Variants in IRS2 observed in about 807,000 individuals in gnomAD.
IRS2 encodes insulin receptor substrate 2.
Under a neutral mutation model 70.9 loss-of-function variants are expected in IRS2, and 28 were observed. That is an observed-to-expected ratio of 0.39 (90% CI 0.29 to 0.54). IRS2 has a LOEUF of 0.54. Among genes scored for constraint, IRS2 ranks in the 20% least tolerant of loss-of-function variants. The pLI is 0.59. For missense variants in IRS2, 2,081 were observed against 2,024.1 expected, an observed-to-expected ratio of 1.03 and a Z score of -0.54; for synonymous variants, 1,217 against 981.9, an observed-to-expected ratio of 1.24 and a Z score of -4.48.
chr13:109,776,103 C>T (rs1019488713), intron 1 of IRS2, among the ~76,000 whole-genome samples: 12 of 148,704 alleles, frequency 8.1e-5, no homozygotes, highest in African/African-American at 2.7e-4. Flanking sequence ...GAGCCGAGAT[C>T]ACACCACTGC....
In IRS2 at chr13:109,783,399, G is replaced by A; in HGVS notation, c.2655C>T (p.Gly885=). 6.8e-7 allele frequency: 1 copy of A among 1,477,884 alleles called. No individual in the cohort carries two copies. The highest frequency in any genetic ancestry group is 8.9e-7 in the Non-Finnish European group (1 of 1,124,940). 91.5% of individuals were successfully genotyped at this position (1,477,884 alleles called of 1,614,324 possible). A position where few individuals can be genotyped will look rare whatever the true frequency, so the allele number is the denominator to read the frequency against. The part of the protein sequence containing the change: ...GRPEGFLGQR[G]RAVRPTRLSL... ...ACAGGCGCGTGGGCCTCACCGCCCG[G>A]CCGCGCTGGCCCAAGAAGCCCTCCG... is the stretch of plus-strand genomic sequence containing the variant. The change falls in exon 1 of 2, where the codon GGC becomes GGT. Residue 885 remains glycine (G), a synonymous_variant. Transcript: ENST00000375856.
chr13:109,772,980 C>A (rs969421789), intron 1 of IRS2, among the ~76,000 whole-genome samples: 3 of 152,156 alleles, frequency 2.0e-5, no homozygotes, highest in Non-Finnish European at 2.9e-5. Flanking sequence ...CAGGCGTGAG[C>A]CACCGCGCCC....
Position 109,753,903 on chromosome 13 carries a change from T to C in IRS2, c.*2401A>G. On this transcript the variant is annotated 3_prime_UTR_variant, in exon 2 of 2. Coordinates refer to ENST00000375856, the MANE Select transcript of IRS2 (RefSeq NM_003749.3). ...TATTAAGGAGGGCATCCATGATCAA[T>C]ACAGACTAAATACAATGCACTATTC... The C allele has an allele frequency of 4.3e-6, 1 of 231,410 alleles. No homozygotes were observed. Among genetic ancestry groups the C allele is most frequent in the Non-Finnish European group, 8.6e-6 (1 of 116,730 alleles). The allele number at this position is 231,410 out of a possible 1,614,324, so 14.3% of individuals were successfully genotyped here.
intron 1 of IRS2, among the ~76,000 whole-genome samples, chr13:109,775,753 A>AACACACACACACACACAC (rs71127906): frequency 3.6e-5 from 5 of 140,536 alleles, no homozygotes; most frequent in South Asian, 2.4e-4. Flanking sequence ...ATATTATGGA[A>AACACACACACACACACAC]ACACACACAC....
At chr13:109,776,916 A>G (rs961672104) in intron 1 of IRS2, among the ~76,000 whole-genome samples, 4 of 152,178 alleles carry the variant, frequency 2.6e-5, no homozygotes, top group Non-Finnish European at 5.9e-5. Context: ...TTCTTTTCAC[A>G]AAAATCATGA....
rs566411058 is a variant in IRS2, at chr13:109,766,898, A to T, written c.4013-10590T>A. On this transcript the variant is annotated intron_variant, in intron 1 of 1. Coordinates refer to ENST00000375856, the MANE Select transcript of IRS2 (RefSeq NM_003749.3). ...TACTGCACATGCCCTTTCAGCCAAA[A>T]TGCCAAAGTGTCTATAAAGTTACTC... Among the ~76,000 whole-genome samples, 158 of 152,318 alleles carry T rather than the reference A, an allele frequency of 1.0e-3. 1 individual carries two copies. Among genetic ancestry groups the T allele is most frequent in the Middle Eastern group, 6.8e-3 (2 of 294 alleles).
In IRS2 at chr13:109,755,439, A is replaced by G. The variant is rs1877083783; in HGVS notation, c.*865T>C. 4.5e-6 allele frequency: 1 copy of G among 222,682 alleles called. No homozygotes were observed. The highest frequency in any genetic ancestry group is 9.0e-6 in the Non-Finnish European group (1 of 111,394). The allele number at this position is 222,682 out of a possible 1,614,324, so 13.8% of individuals were successfully genotyped here. A position where few individuals can be genotyped will look rare whatever the true frequency, so the allele number is the denominator to read the frequency against. On this transcript the variant is annotated 3_prime_UTR_variant, in exon 2 of 2. Coordinates refer to ENST00000375856, the MANE Select transcript of IRS2 (RefSeq NM_003749.3). ...GTAAATAGAATAAAAGGCGTTTGCA[A>G]TGTGAAGTACCTACATAAACATCTA...
chr13:109,780,067 T>C (rs1877663517), intron 1 of IRS2, among the ~76,000 whole-genome samples: 1 of 152,118 alleles, frequency 6.6e-6, no homozygotes, highest in Admixed American at 6.5e-5. Context: ...TGGCGCCTGC[T>C]ATGGCAGAGC....
Position 109,785,097 on chromosome 13 carries a change from G to A in IRS2, c.957C>T (p.Val319=), listed in dbSNP as rs757177634. The part of the protein sequence containing the change: ...SGSSATHPIS[V]PGARRHHHLV... ...GGTGGTGGTGGCGGCGCGCGCCGGGGACGCTGATGGGGTGCGTGGCCGACG... is the reference window on the plus strand; with the variant it reads ...GGTGGTGGTGGCGGCGCGCGCCGGGAACGCTGATGGGGTGCGTGGCCGACG... The change falls in exon 1 of 2, where the codon GTC becomes GTT. Residue 319 remains valine (V), a synonymous_variant. Transcript: ENST00000375856. This position sits in a 1 kb window ranked among gnomAD's most constrained non-coding sequence, Gnocchi z 9.3. 8.2e-6 allele frequency: 13 copies of A among 1,587,024 alleles called. No homozygotes were observed. The African/African-American group carries it at 9.4e-5, about 11-fold the overall frequency.
intron 1 of IRS2, among the ~76,000 whole-genome samples, chr13:109,761,152 T>TAG (rs1877216471): frequency 6.6e-6 from 1 of 152,202 alleles, no homozygotes; most frequent in Non-Finnish European, 1.5e-5. Context: ...CGGTCCTCTC[T>TAG]GCAGAGGGGC....
chr13:109,785,862 C>T lies in IRS2; in HGVS notation c.192G>A (p.Gly64=). 1 of 1,512,630 alleles carries T rather than the reference C, an allele frequency of 6.6e-7. No homozygotes were observed. Among genetic ancestry groups the T allele is most frequent in the Non-Finnish European group, 8.8e-7 (1 of 1,135,134 alleles). The allele number at this position is 1,512,630 out of a possible 1,614,324, so 93.7% of individuals were successfully genotyped here. A position where few individuals can be genotyped will look rare whatever the true frequency, so the allele number is the denominator to read the frequency against. The part of the protein sequence containing the change: ...GAGGDEATAG[G]GSAPQPPRLE... ...GCCGCGGCGGTTGCGGCGCCGACCC[C>T]CCGCCCGCCGTCGCCTCGTCGCCGC... The change falls in exon 1 of 2, where the codon GGG becomes GGA. Residue 64 remains glycine, a synonymous_variant. Coordinates refer to ENST00000375856, the MANE Select transcript of IRS2 (RefSeq NM_003749.3). The surrounding 1 kb of genome is among the most constrained non-coding windows in gnomAD (Gnocchi z 9.3).
At chr13:109,769,134 C>A (rs1008007620) in intron 1 of IRS2, among the ~76,000 whole-genome samples, 3 of 152,194 alleles carry the variant, frequency 2.0e-5, no homozygotes, top group Non-Finnish European at 1.5e-5. Flanking sequence ...TAGATCACTT[C>A]TAGGTCTTTT....
chr13:109,773,774 A>G (rs1467073037), intron 1 of IRS2, among the ~76,000 whole-genome samples: 1 of 152,242 alleles, frequency 6.6e-6, no homozygotes, highest in African/African-American at 2.4e-5. Context: ...TGGATGAAGA[A>G]AGTTACTAAA....
chr13:109,754,702 C>T lies in IRS2; in HGVS notation c.*1602G>A, dbSNP rs1377285263. On this transcript the variant is annotated 3_prime_UTR_variant, in exon 2 of 2. Coordinates refer to ENST00000375856, the MANE Select transcript of IRS2 (RefSeq NM_003749.3). ...CAATCCTCTGTTCTAAAGTTCAGCACGGAAGCAGGAAGACTTTTGCATTGC... is the reference window on the plus strand; with the variant it reads ...CAATCCTCTGTTCTAAAGTTCAGCATGGAAGCAGGAAGACTTTTGCATTGC... 5 of 195,848 alleles carry T rather than the reference C, an allele frequency of 2.6e-5. No individual in the cohort carries two copies. The highest frequency in any genetic ancestry group is 6.1e-5 in the Admixed American group (1 of 16,446). The allele number at this position is 195,848 out of a possible 1,614,324, so 12.1% of individuals were successfully genotyped here.
In IRS2 at chr13:109,786,454, G is replaced by A. The variant is rs1160009109; in HGVS notation, c.-401C>T. 2 of 148,330 alleles carry A rather than the reference G, an allele frequency of 1.3e-5. 1 individual carries two copies. Among genetic ancestry groups the A allele is most frequent in the South Asian group, 3.5e-4 (2 of 5,650 alleles). 9.2% of individuals were successfully genotyped at this position (148,330 alleles called of 1,614,324 possible). On this transcript the variant is annotated 5_prime_UTR_variant, in exon 1 of 2. Coordinates refer to ENST00000375856, the MANE Select transcript of IRS2 (RefSeq NM_003749.3). The surrounding 1 kb of genome is among the most constrained non-coding windows in gnomAD (Gnocchi z 4.4). ...GGCTGCTGCCGCCGCGTCGCGCTCCGGGAAGCCGGGGTGCGCCCGGGCGCT... is the reference window on the plus strand; with the variant it reads ...GGCTGCTGCCGCCGCGTCGCGCTCCAGGAAGCCGGGGTGCGCCCGGGCGCT...
At chr13:109,776,084 C>T (rs889094056) in intron 1 of IRS2, among the ~76,000 whole-genome samples, 9 of 147,956 alleles carry the variant, frequency 6.1e-5, no homozygotes, top group African/African-American at 1.5e-4. Context: ...GGGAGGTGGA[C>T]GTTGCAGTGA....
In IRS2 at chr13:109,785,578, G is replaced by C. The variant is rs1877895562; in HGVS notation, c.476C>G (p.Pro159Arg). 1 of 1,310,110 alleles carries C rather than the reference G, an allele frequency of 7.6e-7. No homozygotes were observed. The highest frequency in any genetic ancestry group is 1.6e-5 in the African/African-American group (1 of 64,254). 81.2% of individuals were successfully genotyped at this position (1,310,110 alleles called of 1,614,324 possible). Residue 159 changes from proline (P) to arginine (R), a missense_variant, in exon 1 of 2, where the codon CCC becomes CGC. Physicochemically the swap from Pro to Arg is moderately radical, Grantham distance 103. Transcript: ENST00000375856. The surrounding 1 kb of genome is among the most constrained non-coding windows in gnomAD (Gnocchi z 9.3). ...AAGDAPPAAA[P>R]AASCSASLPG... ...CAGGGAGGCGCTGCAGGACGCGGCG[G>C]GCGCGGCGGCGGGGGGCGCGTCTCC...
chr13:109,776,270 C>G (rs540632876), intron 1 of IRS2, among the ~76,000 whole-genome samples: 1 of 152,212 alleles, frequency 6.6e-6, no homozygotes, highest in Admixed American at 6.5e-5. Context: ...AGTAAAAACA[C>G]AGTAAGCAAG....
intron 1 of IRS2, among the ~76,000 whole-genome samples, chr13:109,768,669 A>C (rs768136584): frequency 6.6e-6 from 1 of 152,228 alleles, no homozygotes; most frequent in Non-Finnish European, 1.5e-5. Flanking sequence ...CAGAGTTCGA[A>C]ATAAGCGGAT....
Sources: gnomAD v4.1 joint callset for allele counts (sites outside exome capture counted in the v4.1 genomes callset) on GRCh38, gnomAD v4.1.1 for gene constraint, Gnocchi (gnomAD v3.1) non-coding constraint, MANE v1.5 for transcripts, NCBI Gene and HGNC (gene_info 2026-07-23, HGNC 2026-07-21) for gene names.